The following WDPCP variants were observed in gnomAD, a reference collection of about 807,000 sequenced individuals.
WDPCP encodes WD repeat containing planar cell polarity effector, also known as WD repeat-containing and planar cell polarity effector protein fritz homolog.
In WDPCP, 71 loss-of-function variants were observed where a neutral mutation model predicts 93.1. That is an observed-to-expected ratio of 0.76 (90% confidence interval 0.63 to 0.93). The LOEUF (loss-of-function observed/expected upper bound fraction) is 0.93, where lower values mean the gene tolerates loss of function less well. WDPCP is among the 40% of genes least tolerant of loss of function. The pLI, the probability that WDPCP is intolerant of heterozygous loss-of-function variation, is 0.00. For synonymous variants in WDPCP, 315 were observed against 315.0 expected, an observed-to-expected ratio of 1.00 and a Z score of 0.00; for missense variants, 844 against 887.4, an observed-to-expected ratio of 0.95 and a Z score of 0.62.
At chr2:63,284,261 C>A (rs747013680) in intron 13 of WDPCP, among the ~76,000 whole-genome samples, 53 of 152,156 alleles carry the variant, frequency 3.5e-4, no homozygotes, top group Admixed American at 6.5e-4. Context: ...ATGGTTATAA[C>A]TTAAACATGC....
intron 1 of WDPCP, among the ~76,000 whole-genome samples, chr2:63,821,807 A>T (rs1470065772): frequency 6.6e-6 from 1 of 152,178 alleles, no homozygotes; most frequent in Non-Finnish European, 1.5e-5. Context: ...CAAAGGCTTA[A>T]AGCTCAAAAT....
chr2:63,522,951 A>G (rs1004467799), intron 1 of WDPCP, among the ~76,000 whole-genome samples: 2 of 152,192 alleles, frequency 1.3e-5, no homozygotes, highest in Non-Finnish European at 2.9e-5. Context: ...TCTTTAACTC[A>G]TTCTATGAGG....
chr2:63,465,957 T>C (rs937767430), intron 6 of WDPCP, among the ~76,000 whole-genome samples: 5 of 152,316 alleles, frequency 3.3e-5, no homozygotes, highest in African/African-American at 1.2e-4. Context: ...AAAAATATCC[T>C]GCAGCATGCC....
intron 17 of WDPCP, among the ~76,000 whole-genome samples, chr2:63,122,518 T>C (rs1209525471): frequency 6.6e-6 from 1 of 152,226 alleles, no homozygotes; most frequent in Non-Finnish European, 1.5e-5. Context: ...TTTATAAGAC[T>C]TTCATAACAT....
intron 1 of WDPCP, among the ~76,000 whole-genome samples, chr2:63,825,155 GT>G (rs995224683): frequency 1.6e-4 from 25 of 152,070 alleles, no homozygotes; most frequent in Admixed American, 4.6e-4. Context: ...GGTGAATACA[GT>G]TTTTTTCTTT....
chr2:63,406,901 A>G (rs1694632866), intron 9 of WDPCP, among the ~76,000 whole-genome samples: 1 of 152,162 alleles, frequency 6.6e-6, no homozygotes, highest in Non-Finnish European at 1.5e-5. Context: ...ATGTCAGAGA[A>G]AGAGAATGAC....
chr2:63,804,934 A>T (rs926728822), intron 2 of WDPCP, among the ~76,000 whole-genome samples: 3 of 151,986 alleles, frequency 2.0e-5, no homozygotes, highest in Non-Finnish European at 2.9e-5. Flanking sequence ...AGGCTGAGGC[A>T]GGATAATCGC....
chr2:63,717,539 G>A (rs900808164), intron 2 of WDPCP: 2 of 487,596 alleles, frequency 4.1e-6, no homozygotes, highest in Non-Finnish European at 4.1e-6. Context: ...GGTTGTCCCA[G>A]GCTCTGGCCA....
chr2:63,617,739 T>C (rs1307210371), intron 3 of WDPCP, among the ~76,000 whole-genome samples: 2 of 152,234 alleles, frequency 1.3e-5, no homozygotes, highest in Non-Finnish European at 2.9e-5. Context: ...TTTATAAATG[T>C]AAATTTCCTT....
chr2:63,414,472 T>TATACAC (rs1553382257), intron 9 of WDPCP, among the ~76,000 whole-genome samples: 24 of 148,892 alleles, frequency 1.6e-4, no homozygotes, highest in South Asian at 8.5e-4. Flanking sequence ...CACACACATA[T>TATACAC]ACACACACAC....
At position 63,736,355 on chromosome 2, in the gene WDPCP, G is replaced by A. The variant is rs566170289; in HGVS notation, n.308+77267C>T. ...GGTATTGCTGTCTGGATGAAATACT[G>A]ATGTACCACATGCCTTACTTATCAG... On this transcript the variant is annotated intron_variant and non_coding_transcript_variant, in intron 2 of 4. Coordinates refer to the WDPCP transcript ENST00000467687. 2.0e-5 allele frequency among the ~76,000 whole-genome samples: 3 copies of A among 152,292 alleles called. No individual in the cohort carries two copies. The East Asian group carries it at 5.8e-4, about 29-fold the overall frequency.
chr2:63,542,524 G>A (rs1158355674), intron 1 of WDPCP, among the ~76,000 whole-genome samples: 1 of 152,172 alleles, frequency 6.6e-6, no homozygotes, highest in African/African-American at 2.4e-5. Flanking sequence ...TATCTGCAAA[G>A]CAGCAAGTAA....
chr2:63,774,304 A>T (rs2103954649), intron 2 of WDPCP, among the ~76,000 whole-genome samples: 1 of 152,256 alleles, frequency 6.6e-6, no homozygotes, highest in Admixed American at 6.5e-5. Flanking sequence ...TGTAAAATGA[A>T]GGCATAGCTG....
intron 2 of WDPCP, among the ~76,000 whole-genome samples, chr2:63,488,640 T>C (rs987720551): frequency 2.0e-5 from 3 of 152,066 alleles, no homozygotes; most frequent in African/African-American, 7.2e-5. Context: ...AACATAATCT[T>C]ATGATCTTTA....
At chr2:63,232,663 A>AT (rs1306706408) in intron 14 of WDPCP, 1 of 152,950 alleles carries the variant, frequency 6.5e-6, no homozygotes, top group African/African-American at 2.4e-5. Context: ...CCTAATATGA[A>AT]TTTTGTCTTT....
intron 2 of WDPCP, among the ~76,000 whole-genome samples, chr2:63,792,042 T>C (rs1475939208): frequency 6.6e-6 from 1 of 152,184 alleles, no homozygotes. Context: ...ATTATTGTAT[T>C]GAGCTCTGGA....
the WDPCP span, among the ~76,000 whole-genome samples, chr2:63,839,260 CT>C: frequency 3.9e-5 from 6 of 152,192 alleles, no homozygotes; most frequent in Non-Finnish European, 8.8e-5. Context: ...TATAATAAAC[CT>C]TGTATAATTA....
At chr2:63,653,193 C>A (rs1354469622) in intron 2 of WDPCP, among the ~76,000 whole-genome samples, 2 of 152,090 alleles carry the variant, frequency 1.3e-5, no homozygotes, top group Non-Finnish European at 2.9e-5. Context: ...ATCCAGAAAT[C>A]TATATAGAGG....
intron 14 of WDPCP, among the ~76,000 whole-genome samples, chr2:63,238,762 G>T (rs1041420966): frequency 1.3e-5 from 2 of 152,104 alleles, no homozygotes; most frequent in Non-Finnish European, 2.9e-5. Flanking sequence ...TCTTGTATTT[G>T]TAGAATAGGG....
Sources: allele counts gnomAD v4.1 joint callset (sites outside exome capture counted in the v4.1 genomes callset), GRCh38; gene constraint gnomAD v4.1.1; transcripts MANE v1.5; gene names NCBI Gene and HGNC (gene_info 2026-07-23, HGNC 2026-07-21).